Variants in P3H2 observed in about 807,000 individuals in gnomAD.
The protein encoded by P3H2 is leprecan-like 1.
In P3H2, 80 loss-of-function variants were observed where a neutral mutation model predicts 87.0. That is an observed-to-expected ratio of 0.92 (90% CI 0.77 to 1.11). P3H2 has a LOEUF of 1.11. Ranked by LOEUF, P3H2 falls within the 50% of genes least tolerant of loss-of-function variation. P3H2 has a pLI of 0.00. For synonymous variants in P3H2, 367 were observed against 359.3 expected (o/e 1.02, Z -0.24); for missense variants, 1,001 against 923.9 (o/e 1.08, Z -1.08).
Position 190,027,445 on chromosome 3 carries a change from C to T in P3H2, c.481-32003G>A, listed in dbSNP as rs565461252. 2.2e-3 allele frequency among the ~76,000 whole-genome samples: 332 copies of T among 152,132 alleles called. 3 individuals are homozygous for T. The highest frequency in any genetic ancestry group is 4.0e-3 in the Admixed American group (61 of 15,290). ...GAGGGACAGTGGTTGGGTACCTGAA[C>T]AGTACTGGAATAAAATAATTAACTC... On this transcript the variant is annotated intron_variant, in intron 1 of 14. Transcript: ENST00000319332.
intron 1 of P3H2, among the ~76,000 whole-genome samples, chr3:190,046,162 G>C (rs577508642): frequency 6.6e-6 from 1 of 151,236 alleles, no homozygotes; most frequent in East Asian, 1.9e-4. Context: ...TGCCCTTCCT[G>C]GTGCCTGCCC....
In P3H2 at chr3:190,030,740, TAGTG is replaced by T. The variant is rs371756289; in HGVS notation, c.481-35302_481-35299del. Among the ~76,000 whole-genome samples, 391 of 152,252 alleles carry T rather than the reference TAGTG, an allele frequency of 2.6e-3. 1 individual carries two copies. Among genetic ancestry groups the T allele is most frequent in the South Asian group, 0.017 (82 of 4,824 alleles). On this transcript the variant is annotated intron_variant, in intron 1 of 14. Transcript: ENST00000319332. ...ATTTATAATAACTAAAATAATCTGT[TAGTG>T]AGAGAAAATGGGAGAAAATAATCAG...
At chr3:190,065,158 C>T (rs1166116905) in intron 1 of P3H2, among the ~76,000 whole-genome samples, 1 of 152,160 alleles carries the variant, frequency 6.6e-6, no homozygotes, top group Non-Finnish European at 1.5e-5. Flanking sequence ...TCTGGTTGTT[C>T]ACTAAACTTG....
At chr3:190,051,010 A>C (rs1447940) in intron 1 of P3H2, among the ~76,000 whole-genome samples, 124,346 of 152,146 alleles carry the variant, frequency 0.82, 51,009 homozygotes, top group East Asian at 0.88. Context: ...ATTAATCTGT[A>C]GCAATTTCCT....
chr3:190,046,889 G>T (rs567974062), intron 1 of P3H2, among the ~76,000 whole-genome samples: 2 of 152,092 alleles, frequency 1.3e-5, no homozygotes, highest in East Asian at 3.9e-4. Flanking sequence ...TTGACAAATA[G>T]AATTATATTA....
chr3:190,038,312 G>A (rs1264841660), intron 1 of P3H2, among the ~76,000 whole-genome samples: 4 of 150,338 alleles, frequency 2.7e-5, no homozygotes, highest in Admixed American at 6.7e-5. Context: ...CTATGAGTGA[G>A]TAACATGATG....
intron 1 of P3H2, among the ~76,000 whole-genome samples, chr3:190,038,964 C>T (rs995387740): frequency 7.2e-5 from 11 of 152,198 alleles, no homozygotes; most frequent in Admixed American, 2.6e-4. Flanking sequence ...CCAAGGCGGG[C>T]GGATCACCTG....
Position 189,974,820 on chromosome 3 carries a change from T to C in P3H2, c.1325-135A>G, listed in dbSNP as rs145420323. The C allele has an allele frequency of 2.1e-4, 214 of 1,040,086 alleles. No homozygotes were observed. In the East Asian group the frequency reaches 3.6e-3, roughly 17 times the overall value. The allele number at this position is 1,040,086 out of a possible 1,614,324, so 64.4% of individuals were successfully genotyped here. On this transcript the variant is annotated intron_variant, in intron 8 of 14. Transcript: ENST00000319332. ...AATATTTAGAAATGCAAAGACAAAT[T>C]GCAAATTAGGAAGCTTGATAAACAC...
intron 1 of P3H2, among the ~76,000 whole-genome samples, chr3:190,067,999 A>G (rs1479493390): frequency 6.6e-6 from 1 of 152,134 alleles, no homozygotes; most frequent in Non-Finnish European, 1.5e-5. Flanking sequence ...TAGATTTTTC[A>G]TATGATAACA....
intron 1 of P3H2, among the ~76,000 whole-genome samples, chr3:190,050,414 C>T (rs1338115979): frequency 1.3e-4 from 20 of 152,192 alleles, no homozygotes; most frequent in Non-Finnish European, 2.9e-5. Flanking sequence ...ATCCTCTCTA[C>T]TTGTCAATGT....
Position 190,120,810 on chromosome 3 carries a change from C to T in P3H2, c.-79G>A, listed in dbSNP as rs1050177125. ...CTCGCGTCCGGGTCCCCTCTCCCAC[C>T]TTCCCTCGGGGAAGCGCGCCGACTC... is the stretch of plus-strand genomic sequence containing the variant. On this transcript the variant is annotated 5_prime_UTR_variant, in exon 1 of 15. Transcript: ENST00000319332. 1.4e-6 allele frequency: 2 copies of T among 1,479,358 alleles called. No homozygotes were observed. Among genetic ancestry groups the T allele is most frequent in the African/African-American group, 1.5e-5 (1 of 68,616 alleles). 91.6% of individuals were successfully genotyped at this position (1,479,358 alleles called of 1,614,324 possible). A position where few individuals can be genotyped will look rare whatever the true frequency, so the allele number is the denominator to read the frequency against.
At chr3:190,057,547 A>C (rs1377141326) in intron 1 of P3H2, among the ~76,000 whole-genome samples, 1 of 152,046 alleles carries the variant, frequency 6.6e-6, no homozygotes, top group Non-Finnish European at 1.5e-5. Context: ...TCACTCCTCC[A>C]CCTGAAGCAA....
chr3:189,962,161 CT>C (rs770628547), intron 14 of P3H2, among the ~76,000 whole-genome samples: 22,315 of 87,232 alleles, frequency 0.26, 2,735 homozygotes, highest in East Asian at 0.55. Context: ...TCTTCTTCTT[CT>C]TTTTTTTTTT....
chr3:190,033,362 C>T (rs1218410863), intron 1 of P3H2, among the ~76,000 whole-genome samples: 2 of 151,968 alleles, frequency 1.3e-5, no homozygotes, highest in Non-Finnish European at 2.9e-5. Context: ...AGAATATATA[C>T]CTTTATTAAA....
intron 1 of P3H2, among the ~76,000 whole-genome samples, chr3:190,028,784 C>T (rs1032121767): frequency 2.0e-5 from 3 of 152,086 alleles, no homozygotes; most frequent in African/African-American, 7.2e-5. Context: ...AATGGAGACA[C>T]TCTATGTTTT....
intron 8 of P3H2, among the ~76,000 whole-genome samples, chr3:189,977,689 C>T (rs1335096879): frequency 6.6e-6 from 1 of 152,002 alleles, no homozygotes; most frequent in African/African-American, 2.4e-5. Context: ...CAGCCTTGAC[C>T]TCCTATCCTC....
At chr3:189,963,181 T>C (rs1722866822) in intron 14 of P3H2, among the ~76,000 whole-genome samples, 2 of 152,212 alleles carry the variant, frequency 1.3e-5, no homozygotes, top group African/African-American at 4.8e-5. Context: ...GTGGAGACTA[T>C]GACATCTGCC....
intron 1 of P3H2, among the ~76,000 whole-genome samples, chr3:190,050,676 A>G (rs538672001): frequency 2.7e-4 from 41 of 152,294 alleles, no homozygotes; most frequent in African/African-American, 8.7e-4. Flanking sequence ...TTAGGAAAAC[A>G]CAAGTCCATT....
At chr3:190,058,948 T>C (rs1726252111) in intron 1 of P3H2, among the ~76,000 whole-genome samples, 1 of 152,132 alleles carries the variant, frequency 6.6e-6, no homozygotes, top group African/African-American at 2.4e-5. Flanking sequence ...TTCAGCTTAG[T>C]GGATTGGGGA....
Sources: gnomAD v4.1 joint callset for allele counts (sites outside exome capture counted in the v4.1 genomes callset) on GRCh38, gnomAD v4.1.1 for gene constraint, MANE v1.5 for transcripts, NCBI Gene and HGNC (gene_info 2026-07-23, HGNC 2026-07-21) for gene names.